Variants in NTRK2 observed in about 807,000 individuals in gnomAD.
NTRK2 encodes neurotrophic receptor tyrosine kinase 2.
A neutral mutation model predicts 94.5 loss-of-function variants in NTRK2; 13 were observed. The observed-to-expected ratio is 0.14, with a 90% CI of 0.09 to 0.22. NTRK2 has a LOEUF of 0.22. Among genes scored for constraint, NTRK2 ranks in the 10% least tolerant of loss-of-function variants. The pLI is 1.00. For missense variants in NTRK2, 639 were observed against 1,071.2 expected (o/e 0.60, Z 5.63); for synonymous variants, 372 against 407.4 (o/e 0.91, Z 1.05).
At chr9:84,826,923 C>A (rs539878822) in intron 12 of NTRK2, among the ~76,000 whole-genome samples, 4 of 152,258 alleles carry the variant, frequency 2.6e-5, no homozygotes, top group African/African-American at 9.6e-5. Flanking sequence ...AACAGGTGTT[C>A]AGATCTGAAG....
chr9:84,694,904 G>C (rs891342090), intron 2 of NTRK2, among the ~76,000 whole-genome samples: 2 of 151,654 alleles, frequency 1.3e-5, no homozygotes, highest in Non-Finnish European at 2.9e-5. Context: ...TTGGCCGGGC[G>C]CGGTGGCTCA....
At chr9:84,766,071 CAGAG>C (rs2065998083) in intron 12 of NTRK2, among the ~76,000 whole-genome samples, 1 of 152,028 alleles carries the variant, frequency 6.6e-6, no homozygotes, top group Admixed American at 6.6e-5. Flanking sequence ...GAGAGAAAAA[CAGAG>C]AAAGAAATAT....
intron 12 of NTRK2, among the ~76,000 whole-genome samples, chr9:84,836,930 T>G (rs932190760): frequency 4.8e-5 from 6 of 125,908 alleles, no homozygotes. Flanking sequence ...GAGCTTGTCG[T>G]AGAGTATAAT....
At chr9:84,752,762 A>G (rs891796433) in intron 12 of NTRK2, among the ~76,000 whole-genome samples, 1 of 152,200 alleles carries the variant, frequency 6.6e-6, no homozygotes, top group African/African-American at 2.4e-5. Flanking sequence ...AATGCCTTGG[A>G]GCAGTGATTT....
At chr9:84,679,223 G>A (rs1050231936) in intron 2 of NTRK2, among the ~76,000 whole-genome samples, 9 of 152,162 alleles carry the variant, frequency 5.9e-5, no homozygotes, top group Non-Finnish European at 5.9e-5. Flanking sequence ...CATGGACTAA[G>A]GTACATGGGT....
At chr9:84,910,106 T>G (rs764861306) in intron 14 of NTRK2, among the ~76,000 whole-genome samples, 3 of 152,206 alleles carry the variant, frequency 2.0e-5, no homozygotes, top group Non-Finnish European at 4.4e-5. Flanking sequence ...TTTATTTAAT[T>G]TTTATACACA....
chr9:85,026,540 T>C lies in NTRK2; in HGVS notation c.*5103T>C, dbSNP rs1349128600. ...ATGTTTTAAATACAAGGTCTTTGAA[T>C]TAAATGTGGATTTTAAATATGTAAT... On this transcript the variant is annotated 3_prime_UTR_variant, in exon 19 of 19. Coordinates refer to ENST00000277120, the MANE Select transcript of NTRK2 (RefSeq NM_006180.6). 1 of 232,700 alleles carries C rather than the reference T, an allele frequency of 4.3e-6. No homozygotes were observed. The highest frequency in any genetic ancestry group is 5.6e-5 in the Admixed American group (1 of 17,780). The allele number at this position is 232,700 out of a possible 1,614,324, so 14.4% of individuals were successfully genotyped here.
intron 12 of NTRK2, among the ~76,000 whole-genome samples, chr9:84,832,872 C>T (rs867151643): frequency 1.1e-4 from 16 of 152,134 alleles, no homozygotes; most frequent in Non-Finnish European, 1.6e-4. Context: ...GGCTTGAATC[C>T]TTGGTTTTCT....
chr9:84,735,437 G>A (rs1252074508), intron 9 of NTRK2, among the ~76,000 whole-genome samples: 2 of 152,176 alleles, frequency 1.3e-5, no homozygotes, highest in Non-Finnish European at 2.9e-5. Flanking sequence ...ATCATACTTT[G>A]CTTAGTGAGG....
At chr9:84,918,616 C>T (rs537806657) in intron 14 of NTRK2, among the ~76,000 whole-genome samples, 4 of 152,288 alleles carry the variant, frequency 2.6e-5, no homozygotes, top group South Asian at 2.1e-4. Flanking sequence ...TGTTTTTTAA[C>T]AAACTCTTTG....
At chr9:84,871,001 T>A (rs1028977636) in intron 14 of NTRK2, among the ~76,000 whole-genome samples, 1 of 152,236 alleles carries the variant, frequency 6.6e-6, no homozygotes, top group Non-Finnish European at 1.5e-5. Flanking sequence ...CTGACTTATA[T>A]AATAAAGACG....
At chr9:84,861,171 T>A in intron 13 of NTRK2, 84 bp downstream of exon 13, 1 of 1,021,718 alleles carries the variant, frequency 9.8e-7, no homozygotes, top group Non-Finnish European at 1.5e-6. Context: ...CCTCTTTACA[T>A]TCCACGGTCT....
chr9:84,907,037 G>C (rs943307738), intron 14 of NTRK2, among the ~76,000 whole-genome samples: 5 of 152,164 alleles, frequency 3.3e-5, no homozygotes, highest in Admixed American at 3.3e-4. Context: ...ATTACAGTGA[G>C]GGTCACCGCA....
At chr9:84,798,981 T>C (rs2070031746) in intron 12 of NTRK2, among the ~76,000 whole-genome samples, 1 of 148,520 alleles carries the variant, frequency 6.7e-6, no homozygotes, top group South Asian at 2.1e-4. Context: ...TTAACTATTA[T>C]CATTAGCTCC....
chr9:84,884,148 A>T (rs1383684933), intron 14 of NTRK2, among the ~76,000 whole-genome samples: 3 of 152,250 alleles, frequency 2.0e-5, no homozygotes, highest in Admixed American at 2.0e-4. Flanking sequence ...CTACATAATG[A>T]ATTCTGCTTC....
rs1832998165 is a variant in NTRK2, at chr9:85,025,654, A to G, written c.*4217A>G. 1 of 233,110 alleles carries G rather than the reference A, an allele frequency of 4.3e-6. No individual in the cohort carries two copies. The highest frequency in any genetic ancestry group is 5.6e-5 in the Admixed American group (1 of 17,782). The allele number at this position is 233,110 out of a possible 1,614,324, so 14.4% of individuals were successfully genotyped here. ...ACTAAATAAATGACTGCATATACAC[A>G]CATACCCTCAATTCTCTTGCTTCCC... On this transcript the variant is annotated 3_prime_UTR_variant, in exon 19 of 19. Coordinates refer to ENST00000277120, the MANE Select transcript of NTRK2 (RefSeq NM_006180.6).
At chr9:84,963,770 T>G (rs1178806675) in intron 17 of NTRK2, among the ~76,000 whole-genome samples, 1 of 152,192 alleles carries the variant, frequency 6.6e-6, no homozygotes, top group Non-Finnish European at 1.5e-5. Flanking sequence ...ACTGAGCTGT[T>G]TCCATGTTTT....
At chr9:84,760,460 G>T (rs1200692825) in intron 12 of NTRK2, among the ~76,000 whole-genome samples, 3 of 152,122 alleles carry the variant, frequency 2.0e-5, no homozygotes, top group African/African-American at 7.2e-5. Context: ...AGTGTTTCCA[G>T]GTTTATTAGT....
At chr9:84,930,521 T>A (rs1407219620) in intron 14 of NTRK2, among the ~76,000 whole-genome samples, 1 of 152,152 alleles carries the variant, frequency 6.6e-6, no homozygotes, top group Non-Finnish European at 1.5e-5. Flanking sequence ...AGCCCTGAAG[T>A]ACCAGGGGAT....
Sources: gnomAD v4.1 joint callset for allele counts (sites outside exome capture counted in the v4.1 genomes callset) on GRCh38, gnomAD v4.1.1 for gene constraint, MANE v1.5 for transcripts, NCBI Gene and HGNC (gene_info 2026-07-23, HGNC 2026-07-21) for gene names.